MCPH1: variants seen among roughly 807,000 people sequenced by gnomAD.
MCPH1 encodes microcephalin 1.
In MCPH1, 104 loss-of-function variants were observed where a neutral mutation model predicts 84.5. The observed-to-expected ratio is 1.23, with a 90% CI of 1.05 to 1.45. The LOEUF is 1.45. Ranked by LOEUF, MCPH1 falls within the 40% of genes most tolerant of loss-of-function variation. The pLI is 0.00. For synonymous variants in MCPH1, 514 were observed against 366.8 expected (o/e 1.40, Z -4.58); for missense variants, 1,498 against 1,005.7 (o/e 1.49, Z -6.62).
At chr8:6,608,198 A>C (rs1829950795) in intron 12 of MCPH1, among the ~76,000 whole-genome samples, 1 of 152,192 alleles carries the variant, frequency 6.6e-6, no homozygotes, top group African/African-American at 2.4e-5. Context: ...GACCCTGATG[A>C]GCTGAGCACA....
intron 12 of MCPH1, among the ~76,000 whole-genome samples, chr8:6,543,775 GTAT>G (rs1822036596): frequency 6.6e-6 from 1 of 152,088 alleles, no homozygotes; most frequent in Non-Finnish European, 1.5e-5. Flanking sequence ...ATTCTCCCAA[GTAT>G]TTAAAGCTGC....
intron 13 of MCPH1, among the ~76,000 whole-genome samples, chr8:6,632,856 T>G (rs1797269069): frequency 6.6e-6 from 1 of 151,924 alleles, no homozygotes; most frequent in African/African-American, 2.4e-5. Flanking sequence ...TTTCATCAAG[T>G]CAAATTTGGT....
intron 12 of MCPH1, among the ~76,000 whole-genome samples, chr8:6,509,822 A>G (rs1586231199): frequency 1.3e-5 from 2 of 152,330 alleles, no homozygotes; most frequent in South Asian, 4.1e-4. Flanking sequence ...ATTAGCCCAC[A>G]GTCAGACAGA....
At chr8:6,467,594 C>CT (rs542849096) in intron 9 of MCPH1, among the ~76,000 whole-genome samples, 144 of 151,256 alleles carry the variant, frequency 9.5e-4, no homozygotes, top group Non-Finnish European at 1.6e-3. Flanking sequence ...TGGTATAATT[C>CT]TTTTTTTTTG....
chr8:6,633,296 G>A lies in MCPH1; in HGVS notation c.2453-9698G>A, dbSNP rs565443023. Among the ~76,000 whole-genome samples the A allele has an allele frequency of 2.6e-5, 4 of 152,274 alleles. No individual in the cohort carries two copies. The East Asian group carries it at 7.7e-4, about 29-fold the overall frequency. On this transcript the variant is annotated intron_variant, in intron 13 of 13. Transcript: ENST00000344683. ...GTTGTCTACATAGAAACATCAAAGA[G>A]AGTCAATAAACTGTTACAACTCATT...
At chr8:6,615,021 C>A (rs1297701853) in intron 12 of MCPH1, among the ~76,000 whole-genome samples, 1 of 152,220 alleles carries the variant, frequency 6.6e-6, no homozygotes, top group Non-Finnish European at 1.5e-5. Flanking sequence ...TCTAAGGTCC[C>A]CAGTAACCAC....
intron 12 of MCPH1, among the ~76,000 whole-genome samples, chr8:6,541,608 A>G (rs182870566): frequency 8.5e-5 from 13 of 152,272 alleles, no homozygotes; most frequent in Admixed American, 2.0e-4. Context: ...CCATTCGTCT[A>G]TTTTTTGGGA....
Position 6,513,790 on chromosome 8 carries a change from G to A in MCPH1, c.2214+13861G>A, listed in dbSNP as rs752142320. On this transcript the variant is annotated intron_variant, in intron 12 of 13. Coordinates refer to ENST00000344683, the MANE Select transcript of MCPH1 (RefSeq NM_024596.5). ...AGCACATAGCGTTGCTGATTAGTCAGTTGCGAAACAAACTCATTTCCCAGC... is the reference window on the plus strand; with the variant it reads ...AGCACATAGCGTTGCTGATTAGTCAATTGCGAAACAAACTCATTTCCCAGC... 3 of 1,613,882 alleles carry A rather than the reference G, an allele frequency of 1.9e-6. No individual in the cohort carries two copies. The African/African-American group carries it at 4.0e-5, about 22-fold the overall frequency.
intron 12 of MCPH1, among the ~76,000 whole-genome samples, chr8:6,577,182 A>C (rs1221790157): frequency 6.6e-6 from 1 of 152,208 alleles, no homozygotes; most frequent in Non-Finnish European, 1.5e-5. Context: ...CCAGGTGGCC[A>C]GCGCCTCTTC....
At chr8:6,532,637 A>T (rs1393828350) in intron 12 of MCPH1, 3 of 617,060 alleles carry the variant, frequency 4.9e-6, no homozygotes, top group East Asian at 6.7e-5. Flanking sequence ...GAATCTTACT[A>T]TTTTTTTTTA....
At chr8:6,639,227 G>A (rs556109942) in intron 13 of MCPH1, among the ~76,000 whole-genome samples, 7 of 152,290 alleles carry the variant, frequency 4.6e-5, no homozygotes, top group African/African-American at 1.7e-4. Context: ...ATGGGTGGAT[G>A]GAGTGATATT....
chr8:6,587,091 T>G (rs969030810), intron 12 of MCPH1, among the ~76,000 whole-genome samples: 16 of 152,184 alleles, frequency 1.1e-4, no homozygotes, highest in African/African-American at 3.9e-4. Flanking sequence ...TTATTTTTGC[T>G]GTCGATGATC....
intron 3 of MCPH1, among the ~76,000 whole-genome samples, chr8:6,423,507 C>T (rs1358181293): frequency 1.3e-5 from 2 of 152,218 alleles, no homozygotes; most frequent in African/African-American, 4.8e-5. Flanking sequence ...ATTTTTTTGC[C>T]TGTACATGCA....
intron 3 of MCPH1, among the ~76,000 whole-genome samples, chr8:6,419,802 A>G (rs144964718): frequency 3.0e-4 from 45 of 152,164 alleles, no homozygotes; most frequent in African/African-American, 1.1e-3. Context: ...CCCAGCTGAT[A>G]ATATTTGATT....
chr8:6,525,144 G>A (rs1419653854), intron 12 of MCPH1, among the ~76,000 whole-genome samples: 1 of 152,172 alleles, frequency 6.6e-6, no homozygotes, highest in African/African-American at 2.4e-5. Context: ...ACCAGCCAAG[G>A]AACTGGCTAC....
At chr8:6,604,287 T>C (rs1829589194) in intron 12 of MCPH1, among the ~76,000 whole-genome samples, 1 of 152,230 alleles carries the variant, frequency 6.6e-6, no homozygotes, top group South Asian at 2.1e-4. Flanking sequence ...GGCAATGTGC[T>C]TCACCCACTG....
chr8:6,535,236 C>G (rs927298396), intron 12 of MCPH1, among the ~76,000 whole-genome samples: 1 of 152,178 alleles, frequency 6.6e-6, no homozygotes, highest in Non-Finnish European at 1.5e-5. Flanking sequence ...TGCCTTCCCC[C>G]ATTTCTAGAG....
chr8:6,552,419 G>A (rs1277917735), intron 12 of MCPH1, among the ~76,000 whole-genome samples: 1 of 152,164 alleles, frequency 6.6e-6, no homozygotes, highest in African/African-American at 2.4e-5. Flanking sequence ...ACTTACGATG[G>A]TCCTTTTCAT....
intron 13 of MCPH1, chr8:6,625,282 G>T (rs139402240): frequency 9.1e-6 from 9 of 985,438 alleles, no homozygotes; most frequent in Non-Finnish European, 1.1e-5. Flanking sequence ...CACAGAGAGC[G>T]CAAATGCCCT....
Sources: gnomAD v4.1 joint callset for allele counts (sites outside exome capture counted in the v4.1 genomes callset) on GRCh38, gnomAD v4.1.1 for gene constraint, MANE v1.5 for transcripts, NCBI Gene and HGNC (gene_info 2026-07-23, HGNC 2026-07-21) for gene names.